TRIM14: variants seen among roughly 807,000 people sequenced by gnomAD.
TRIM14 encodes tripartite motif-containing protein 14.
TRIM14 carries 28 observed loss-of-function variants against 44.5 expected under a neutral mutation model. The ratio of observed to expected loss-of-function variants is 0.63; its 90% confidence interval spans 0.47 to 0.86. The LOEUF (loss-of-function observed/expected upper bound fraction) is 0.86. Among genes scored for constraint, TRIM14 ranks in the 40% least tolerant of loss-of-function variants. The pLI is 0.00. For missense variants in TRIM14, 607 were observed against 611.1 expected, an observed-to-expected ratio of 0.99 and a Z score of 0.07; for synonymous variants, 299 against 269.2, an observed-to-expected ratio of 1.11 and a Z score of -1.08.
chr9:98,069,208 A>G (rs1829238638), downstream of TRIM14: 1 of 152,258 alleles, frequency 6.6e-6, no homozygotes, highest in African/African-American at 2.4e-5. Context: ...TAGTGGGTGA[A>G]TGGTGAAACA....
downstream of TRIM14, chr9:98,081,975 A>C (rs1229638460): frequency 6.6e-6 from 1 of 152,256 alleles, no homozygotes; most frequent in African/African-American, 2.4e-5. Context: ...CTCTCTGAGC[A>C]GACAGTAAAA....
At chr9:98,046,919 C>T in the TRIM14 span, among the ~76,000 whole-genome samples, 1 of 151,152 alleles carries the variant, frequency 6.6e-6, no homozygotes, top group East Asian at 1.9e-4. Flanking sequence ...GGAAACTTTT[C>T]CCCCCAAAGG....
At chr9:98,110,673 G>T (rs1306034039) in intron 1 of TRIM14, among the ~76,000 whole-genome samples, 1 of 151,934 alleles carries the variant, frequency 6.6e-6, no homozygotes, top group Non-Finnish European at 1.5e-5. Flanking sequence ...CCCACAGGGA[G>T]CAGGGTGTGA....
At chr9:98,108,762 C>A (rs1377993956) in intron 2 of TRIM14, among the ~76,000 whole-genome samples, 2 of 151,836 alleles carry the variant, frequency 1.3e-5, no homozygotes, top group Non-Finnish European at 2.9e-5. Context: ...AGAGAATGGA[C>A]TTTAGGCAAA....
intron 1 of TRIM14, among the ~76,000 whole-genome samples, chr9:98,113,982 T>C (rs540775658): frequency 1.3e-5 from 2 of 152,334 alleles, no homozygotes; most frequent in South Asian, 2.1e-4. Flanking sequence ...TTGAGATACT[T>C]CCCAAAATTA....
chr9:98,065,006 T>TG (rs1261305709), downstream of TRIM14, among the ~76,000 whole-genome samples: 1 of 152,178 alleles, frequency 6.6e-6, no homozygotes, highest in Non-Finnish European at 1.5e-5. Flanking sequence ...CCCTGCAACC[T>TG]GGGGCAGGGG....
At chr9:98,107,062 G>A (rs1469649985) in intron 2 of TRIM14, among the ~76,000 whole-genome samples, 1 of 151,758 alleles carries the variant, frequency 6.6e-6, no homozygotes, top group Non-Finnish European at 1.5e-5. Flanking sequence ...AGCTACTGGG[G>A]GAATGCAAAT....
the TRIM14 span, among the ~76,000 whole-genome samples, chr9:98,041,808 G>A: frequency 3.4e-3 from 517 of 149,982 alleles, 6 homozygotes; most frequent in African/African-American, 0.011. Flanking sequence ...TCAGCCTCCC[G>A]AGTAGCTGGG....
downstream of TRIM14, chr9:98,083,149 A>G (rs1829965398): frequency 8.0e-7 from 1 of 1,245,312 alleles, no homozygotes. Context: ...GTCTCCAGGG[A>G]CCTGGCTGTC....
the TRIM14 span, among the ~76,000 whole-genome samples, chr9:98,062,256 G>A: frequency 8.3e-3 from 1,262 of 151,738 alleles, 14 homozygotes; most frequent in African/African-American, 0.028. Flanking sequence ...TCTGGAGTCC[G>A]CTCCTTGCTG....
chr9:98,097,567 T>G (rs966046611), intron 3 of TRIM14, among the ~76,000 whole-genome samples: 1 of 152,218 alleles, frequency 6.6e-6, no homozygotes, highest in Non-Finnish European at 1.5e-5. Context: ...AGCTTCATAT[T>G]TACAAAATTG....
rs1825823082 is a variant in TRIM14 at position 98,087,511 on chromosome 9, G to A, written c.1288C>T (p.Arg430Trp). 2 of 1,598,226 alleles carry A rather than the reference G, an allele frequency of 1.3e-6. No individual in the cohort carries two copies. The highest frequency in any genetic ancestry group is 3.5e-5 in the Admixed American group (2 of 57,314). ...ATGCTGATGGCCCCCTCCCAGAGCC[G>A]CAGGGCCGGGTAGAGCGGCTCCTGG... ...TFQEPLYPALRLWEGAISIPR... is the reference protein window; with the variant it reads ...TFQEPLYPALWLWEGAISIPR... The change falls in exon 6 of 6, where the codon CGG (arginine) becomes TGG (tryptophan). Residue 430 changes from arginine to tryptophan, a missense_variant. Transcript: ENST00000341469.
chr9:98,081,897 AG>A (rs1424779141), downstream of TRIM14: 1 of 152,256 alleles, frequency 6.6e-6, no homozygotes, highest in African/African-American at 2.4e-5. Context: ...GTTTCTTTAT[AG>A]AGGAAACAGG....
intron 5 of TRIM14, among the ~76,000 whole-genome samples, chr9:98,090,376 A>G (rs776078914): frequency 1.3e-5 from 2 of 152,226 alleles, no homozygotes; most frequent in Non-Finnish European, 2.9e-5. Flanking sequence ...AACAGGTAAA[A>G]CTAACCTATA....
At chr9:98,080,830 C>A (rs771758081), downstream of TRIM14, 2 of 1,583,684 alleles carry the variant, frequency 1.3e-6, no homozygotes, top group Non-Finnish European at 1.7e-6. Context: ...ATCAGAAGCT[C>A]TTTCCTGACA....
At chr9:98,065,640 CTT>C (rs751144623), downstream of TRIM14, among the ~76,000 whole-genome samples, 4 of 143,902 alleles carry the variant, frequency 2.8e-5, no homozygotes, top group Admixed American at 7.0e-5. Context: ...CATCCAGCTG[CTT>C]TTTTTTTTTT....
At chr9:98,056,886 C>A in the TRIM14 span, 2 of 1,611,278 alleles carry the variant, frequency 1.2e-6, no homozygotes, top group Non-Finnish European at 1.7e-6. Flanking sequence ...CCGAGATCGG[C>A]CAGAACCACC....
intron 6 of TRIM14, among the ~76,000 whole-genome samples, chr9:98,079,231 T>A (rs1829736324): frequency 6.6e-6 from 1 of 152,252 alleles, no homozygotes; most frequent in South Asian, 2.1e-4. Context: ...TCTCTTACTG[T>A]CTCACGCCAT....
the TRIM14 span, chr9:98,061,214 C>T: frequency 1.8e-6 from 1 of 545,118 alleles, no homozygotes; most frequent in South Asian, 2.1e-5. Context: ...TGATGGCTCA[C>T]ACCTGTAATC....
Sources: gnomAD v4.1 joint callset for allele counts (sites outside exome capture counted in the v4.1 genomes callset) on GRCh38, gnomAD v4.1.1 for gene constraint, MANE v1.5 for transcripts, NCBI Gene and HGNC (gene_info 2026-07-23, HGNC 2026-07-21) for gene names.